KDM4C: variants seen among roughly 807,000 people sequenced by gnomAD.
The protein encoded by KDM4C is lysine demethylase 4C.
KDM4C carries 81 observed loss-of-function variants against 129.3 expected under a neutral mutation model. The observed-to-expected ratio is 0.63, with a 90% CI of 0.52 to 0.75. The LOEUF is 0.75. KDM4C is among the 30% of genes least tolerant of loss of function. KDM4C has a pLI of 0.00. For missense variants in KDM4C, 1,457 were observed against 1,304.0 expected (o/e 1.12, Z -1.81); for synonymous variants, 573 against 456.1 (o/e 1.26, Z -3.26).
rs1839697033 is a variant in KDM4C, at chr9:6,855,770, T to TA, written c.629+6074dup. ...ATTATATAATTCAAGTCTTACTTTT[T>TA]AAAAGAATGAGCAAGTTATATGGTG... is the stretch of plus-strand genomic sequence containing the variant. On this transcript the variant is annotated intron_variant, in intron 5 of 21. Coordinates refer to ENST00000381309, the MANE Select transcript of KDM4C (RefSeq NM_015061.6). 2.0e-5 allele frequency among the ~76,000 whole-genome samples: 3 copies of TA among 152,338 alleles called. No individual in the cohort carries two copies. In the South Asian group the frequency reaches 6.2e-4, roughly 32 times the overall value.
intron 15 of KDM4C, among the ~76,000 whole-genome samples, chr9:7,041,223 GA>G (rs1828547567): frequency 6.6e-6 from 1 of 151,600 alleles, no homozygotes; most frequent in South Asian, 2.1e-4. Context: ...TTCCCTAATT[GA>G]TACAGTATAA....
chr9:6,781,525 T>G (rs1461762945), intron 1 of KDM4C, among the ~76,000 whole-genome samples: 1 of 152,174 alleles, frequency 6.6e-6, no homozygotes, highest in African/African-American at 2.4e-5. Flanking sequence ...GCTATAGCCA[T>G]AAACCATGGT....
chr9:6,920,603 C>A (rs1821331222), intron 8 of KDM4C, among the ~76,000 whole-genome samples: 1 of 151,832 alleles, frequency 6.6e-6, no homozygotes, highest in African/African-American at 2.4e-5. Context: ...TGTATATCAT[C>A]CTGACAAAAT....
chr9:6,868,636 T>G (rs1842400998), intron 5 of KDM4C, among the ~76,000 whole-genome samples: 1 of 152,154 alleles, frequency 6.6e-6, no homozygotes, highest in Non-Finnish European at 1.5e-5. Flanking sequence ...CCGAATTGTT[T>G]AGGGAATACT....
intron 7 of KDM4C, among the ~76,000 whole-genome samples, chr9:6,890,394 C>T (rs541503869): frequency 9.8e-5 from 15 of 152,328 alleles, no homozygotes; most frequent in Admixed American, 2.6e-4. Flanking sequence ...CAACTCAGCC[C>T]TCTTCCTGTA....
intron 5 of KDM4C, among the ~76,000 whole-genome samples, chr9:6,863,347 C>T (rs981428147): frequency 5.9e-5 from 9 of 152,130 alleles, no homozygotes; most frequent in African/African-American, 2.2e-4. Context: ...ATACCTGAGG[C>T]AGGGTAATTT....
intron 1 of KDM4C, among the ~76,000 whole-genome samples, chr9:6,731,921 TG>T (rs2130215980): frequency 6.6e-6 from 1 of 152,278 alleles, no homozygotes; most frequent in Non-Finnish European, 1.5e-5. Flanking sequence ...ATTCTAGAGA[TG>T]GCTGCATGTA....
chr9:7,132,201 T>G (rs1840717833), intron 19 of KDM4C, among the ~76,000 whole-genome samples: 2 of 152,212 alleles, frequency 1.3e-5, no homozygotes, highest in Admixed American at 1.3e-4. Context: ...TAGAGTCCCT[T>G]ATGGAGCCTG....
chr9:6,995,727 A>G (rs1304641153), intron 12 of KDM4C, among the ~76,000 whole-genome samples: 3 of 151,850 alleles, frequency 2.0e-5, no homozygotes, highest in Non-Finnish European at 4.4e-5. Flanking sequence ...GCTGGAGTGC[A>G]GTGGCGCAGT....
intron 8 of KDM4C, chr9:6,948,199 A>C (rs1827322668): frequency 1.3e-5 from 2 of 152,220 alleles, no homozygotes; most frequent in African/African-American, 4.8e-5. Flanking sequence ...AACTGCATTA[A>C]AGAACATTAA....
intron 4 of KDM4C, among the ~76,000 whole-genome samples, chr9:6,849,217 G>T (rs1838391241): frequency 6.6e-6 from 1 of 152,210 alleles, no homozygotes; most frequent in Non-Finnish European, 1.5e-5. Flanking sequence ...TGACAGCCAA[G>T]TTGGGAGTGG....
intron 5 of KDM4C, among the ~76,000 whole-genome samples, chr9:6,874,568 A>G (rs539343799): frequency 1.6e-4 from 24 of 152,130 alleles, no homozygotes; most frequent in African/African-American, 4.6e-4. Context: ...ACGGAATTAG[A>G]TGACTTTTTT....
At chr9:6,852,462 C>T (rs139799034) in intron 5 of KDM4C, among the ~76,000 whole-genome samples, 52 of 152,306 alleles carry the variant, frequency 3.4e-4, no homozygotes, top group Non-Finnish European at 6.9e-4. Flanking sequence ...TTCTGTGACT[C>T]ATGATCAGAG....
At position 7,165,352 on chromosome 9, in the gene KDM4C, T is replaced by C; in HGVS notation, c.2896T>C (p.Tyr966His). 6.2e-7 allele frequency: 1 copy of C among 1,613,982 alleles called. No homozygotes were observed. Reference sequence around the variant, plus strand: ...TTTTGGATCAAATATTGCCCACATGTACCAGGTGGGTTCTTCCTTCTCTGT... The same window carrying C: ...TTTTGGATCAAATATTGCCCACATGCACCAGGTGGGTTCTTCCTTCTCTGT... Reference protein sequence around the residue: ...KYFGSNIAHMYQVEFEDGSQI... With the variant: ...KYFGSNIAHMHQVEFEDGSQI... The change falls in exon 20 of 22, where the codon TAC becomes CAC. Residue 966 changes from tyrosine to histidine, a missense_variant. By Grantham distance (83) the Tyr-to-His change is moderately conservative. Transcript: ENST00000381309.
chr9:6,774,165 G>A (rs902257182), intron 1 of KDM4C, among the ~76,000 whole-genome samples: 3 of 152,064 alleles, frequency 2.0e-5, no homozygotes, highest in Admixed American at 2.0e-4. Context: ...TGGGATTACA[G>A]GTGTGAGCCA....
In KDM4C at chr9:6,763,639, C is replaced by A. The variant is rs767644283; in HGVS notation, c.-18+5436C>A. Among the ~76,000 whole-genome samples the A allele has an allele frequency of 4.6e-5, 7 of 152,148 alleles. No homozygotes were observed. The East Asian group carries it at 1.4e-3, about 29-fold the overall frequency. ...ATTTTCTCCTATGAATCAGTGTTAC[C>A]ATTGTGAAGAGGGAAAATAAGTTAA... On this transcript the variant is annotated intron_variant, in intron 1 of 21. Coordinates refer to ENST00000381309, the MANE Select transcript of KDM4C (RefSeq NM_015061.6).
chr9:6,764,952 C>T (rs1208696198), intron 1 of KDM4C, among the ~76,000 whole-genome samples: 1 of 152,184 alleles, frequency 6.6e-6, no homozygotes, highest in Non-Finnish European at 1.5e-5. Context: ...AGTTATCCAA[C>T]ACTTCATGGT....
intron 5 of KDM4C, among the ~76,000 whole-genome samples, chr9:6,859,687 C>T (rs957870923): frequency 5.3e-5 from 8 of 150,846 alleles, no homozygotes; most frequent in Admixed American, 2.6e-4. Context: ...ATGGTGAAAC[C>T]CCGTCTCTAC....
intron 8 of KDM4C, among the ~76,000 whole-genome samples, chr9:6,975,375 A>G (rs1252422352): frequency 6.6e-6 from 1 of 152,232 alleles, no homozygotes; most frequent in African/African-American, 2.4e-5. Flanking sequence ...ATTGAGATGG[A>G]AAAATGTGGC....
Sources: allele counts gnomAD v4.1 joint callset (sites outside exome capture counted in the v4.1 genomes callset), GRCh38; gene constraint gnomAD v4.1.1; transcripts MANE v1.5; gene names NCBI Gene and HGNC (gene_info 2026-07-23, HGNC 2026-07-21).